The following RAF1 variants were observed in gnomAD, a reference collection of about 807,000 sequenced individuals.
The protein encoded by RAF1 is RAF proto-oncogene serine/threonine-protein kinase.
Under a neutral mutation model 81.1 loss-of-function variants are expected in RAF1, and 27 were observed. The observed-to-expected ratio is 0.33, with a 90% CI of 0.25 to 0.46. The LOEUF is 0.46. Ranked by LOEUF, RAF1 falls within the 20% of genes least tolerant of loss-of-function variation. RAF1 has a pLI of 1.00. For missense variants in RAF1, 598 were observed against 826.0 expected, an observed-to-expected ratio of 0.72 and a Z score of 3.38; for synonymous variants, 298 against 294.0, an observed-to-expected ratio of 1.01 and a Z score of -0.14.
intron 13 of RAF1, 68 bp from the exon 13 acceptor site, chr3:12,587,705 C>T: frequency 2.2e-6 from 3 of 1,357,310 alleles, no homozygotes; most frequent in African/African-American, 1.4e-5. Context: ...TTTTAAACTA[C>T]AGCTAAGAAG....
chr3:12,659,155 TGCCTGAGCGA>T (rs1318416527), intron 1 of RAF1, among the ~76,000 whole-genome samples: 2 of 152,010 alleles, frequency 1.3e-5, no homozygotes, highest in Non-Finnish European at 2.9e-5. Context: ...CAAGGCAAGA[TGCCTGAGCGA>T]GCCTGTAATG....
At chr3:12,599,571 A>C (rs2058791714) in intron 11 of RAF1, 120 bp downstream of exon 10, 1 of 756,090 alleles carries the variant, frequency 1.3e-6, no homozygotes, top group Non-Finnish European at 2.4e-6. Context: ...CAAGTATGTA[A>C]GGGAGAGTAC....
chr3:12,596,472 G>A (rs2058689966), intron 11 of RAF1, among the ~76,000 whole-genome samples: 1 of 152,140 alleles, frequency 6.6e-6, no homozygotes, highest in South Asian at 2.1e-4. Flanking sequence ...GGGATTACAG[G>A]CATGAGCCAC....
chr3:12,585,314 T>C, intron 15 of RAF1, 61 bp from the exon 15 acceptor site: 1 of 1,608,678 alleles, frequency 6.2e-7, no homozygotes, highest in Non-Finnish European at 8.5e-7. Flanking sequence ...CTCACAGACA[T>C]CTAGGGGCCA....
intron 11 of RAF1, among the ~76,000 whole-genome samples, chr3:12,598,733 A>AAAAAAAAAAC (rs1158492064): frequency 1.1e-5 from 1 of 92,524 alleles, no homozygotes; most frequent in Non-Finnish European, 2.3e-5. Context: ...CTCAAAAAAA[A>AAAAAAAAAAC]AAAAAAAAAA....
intron 1 of RAF1, among the ~76,000 whole-genome samples, chr3:12,622,562 T>C (rs1575607376): frequency 1.3e-5 from 2 of 152,190 alleles, no homozygotes; most frequent in African/African-American, 2.4e-5. Flanking sequence ...AGAGAGGCTT[T>C]CCCTAACCAC....
intron 1 of RAF1, among the ~76,000 whole-genome samples, chr3:12,639,062 G>C (rs2060110512): frequency 6.6e-6 from 1 of 151,020 alleles, no homozygotes; most frequent in South Asian, 2.1e-4. Context: ...CTTCATCCTG[G>C]GATGCAAGGC....
chr3:12,602,768 C>A (rs1284716221), intron 8 of RAF1, among the ~76,000 whole-genome samples: 1 of 152,138 alleles, frequency 6.6e-6, no homozygotes, highest in Non-Finnish European at 1.5e-5. Flanking sequence ...ACATGATCTC[C>A]TCACAATAGT....
In RAF1 at chr3:12,585,694, G is replaced by C. The variant is rs571558851; in HGVS notation, c.1583C>G (p.Ser528Cys). The stretch of plus-strand genomic sequence containing the variant: ...CCAGATTCTCACCATCCAGAGGACA[G>C]AGCCAGTAGGTTGTTCAACCTGCTG... Residue 528 changes from serine (S) to cysteine (C), a missense_variant, in exon 15 of 18, where the codon TCT becomes TGT. Coordinates refer to ENST00000442415, the MANE Select transcript of RAF1 (RefSeq NM_001354689.3). 1.2e-6 allele frequency: 2 copies of C among 1,613,300 alleles called. No individual in the cohort carries two copies. The highest frequency in any genetic ancestry group is 1.1e-5 in the South Asian group (1 of 91,068).
intron 1 of RAF1, among the ~76,000 whole-genome samples, chr3:12,656,710 C>G (rs2060704836): frequency 6.6e-6 from 1 of 152,086 alleles, no homozygotes; most frequent in Admixed American, 6.6e-5. Flanking sequence ...ACAAGAAATT[C>G]AACTTGGCCA....
At chr3:12,589,778 G>A (rs2058443129) in intron 13 of RAF1, 1 of 148,098 alleles carries the variant, frequency 6.8e-6, no homozygotes, top group Non-Finnish European at 1.5e-5. Context: ...AAGGAAAAAA[G>A]TGTGGTTTTT....
At chr3:12,627,143 T>C (rs17037056) in intron 1 of RAF1, among the ~76,000 whole-genome samples, 2,226 of 152,304 alleles carry the variant, frequency 0.015, 32 homozygotes, top group Admixed American at 0.044. Context: ...GTCTGGGAAC[T>C]TGTATTCTAT....
At chr3:12,661,030 G>C (rs1367190832) in intron 1 of RAF1, among the ~76,000 whole-genome samples, 1 of 152,148 alleles carries the variant, frequency 6.6e-6, no homozygotes, top group African/African-American at 2.4e-5. Context: ...CATTCAACTG[G>C]GTCAAATGTT....
At position 12,600,258 on chromosome 3, in the gene RAF1, C is replaced by G. The variant is rs191560404; in HGVS notation, c.944G>C (p.Ser315Thr). ...TGTTGGGCTCAGATTGTTGGGGCTA[C>G]TGGACAGGGCTGAAGGTGAGGCTTA... is the stretch of plus-strand genomic sequence containing the variant. Residue 315 changes from serine (S) to threonine (T), a missense_variant, in exon 10 of 18, where the codon AGT becomes ACT. By Grantham distance (58) the Ser-to-Thr change is moderately conservative. This residue lies in a region of RAF1 where 194 missense variants were observed against 202.7 expected (regional missense o/e 0.96). Coordinates refer to ENST00000442415, the MANE Select transcript of RAF1 (RefSeq NM_001354689.3). The G allele has an allele frequency of 2.5e-6, 4 of 1,614,146 alleles. No individual in the cohort carries two copies. The Admixed American group carries it at 5.0e-5, about 20-fold the overall frequency.
chr3:12,653,426 C>T (rs2125571488), intron 1 of RAF1, among the ~76,000 whole-genome samples: 1 of 152,224 alleles, frequency 6.6e-6, no homozygotes, highest in Non-Finnish European at 1.5e-5. Flanking sequence ...TTGGTCTCTC[C>T]AGTACATTTC....
At chr3:12,607,369 C>T (rs543560258) in intron 5 of RAF1, among the ~76,000 whole-genome samples, 45 of 152,220 alleles carry the variant, frequency 3.0e-4, no homozygotes, top group African/African-American at 1.1e-3. Context: ...CTTGTGCCGC[C>T]GGATGCGGTG....
intron 1 of RAF1, among the ~76,000 whole-genome samples, chr3:12,636,444 A>AC: frequency 2.3e-4 from 1 of 4,442 alleles, no homozygotes; most frequent in South Asian, 0.042. Context: ...GTATATCTTT[A>AC]AAAAAAAAAA....
chr3:12,584,346 A>C lies in RAF1; in HGVS notation c.*168T>G. 1.2e-6 allele frequency: 1 copy of C among 811,830 alleles called. No individual in the cohort carries two copies. The highest frequency in any genetic ancestry group is 2.0e-6 in the Non-Finnish European group (1 of 507,798). 50.3% of individuals were successfully genotyped at this position (811,830 alleles called of 1,614,324 possible). ...CTTCCTTCTCCCAGGGCCCAAAGGGATAGAAAAGAAGGCAACATGAAGTTA... is the reference window on the plus strand; with the variant it reads ...CTTCCTTCTCCCAGGGCCCAAAGGGCTAGAAAAGAAGGCAACATGAAGTTA... On this transcript the variant is annotated 3_prime_UTR_variant, in exon 18 of 18. Transcript: ENST00000442415.
intron 5 of RAF1, among the ~76,000 whole-genome samples, chr3:12,607,949 C>CAAAAAAAAAAAAAAAAAAAAAAAAAAAAA (rs58308841): frequency 1.5e-5 from 1 of 66,860 alleles, no homozygotes; most frequent in Non-Finnish European, 2.6e-5. Context: ...GACTTGTCTC[C>CAAAAAAAAAAAAAAAAAAAAAAAAAAAAA]AAAAAAAAAA....
Sources: gnomAD v4.1 joint callset for allele counts (sites outside exome capture counted in the v4.1 genomes callset) on GRCh38, gnomAD v4.1.1 for gene constraint, gnomAD v4.1.1 regional missense constraint, MANE v1.5 for transcripts, NCBI Gene and HGNC (gene_info 2026-07-23, HGNC 2026-07-21) for gene names.